The following CSF2RB variants were observed in gnomAD, a reference collection of about 807,000 sequenced individuals.
CSF2RB encodes the protein cytokine receptor common subunit beta.
In CSF2RB, 22 loss-of-function variants were observed where a neutral mutation model predicts 67.2. That is an observed-to-expected ratio of 0.33 (90% CI 0.23 to 0.47). CSF2RB has a LOEUF of 0.47. CSF2RB is among the 20% of genes least tolerant of loss of function. CSF2RB has a pLI of 1.00. For missense variants in CSF2RB, 1,113 were observed against 1,174.5 expected, an observed-to-expected ratio of 0.95 and a Z score of 0.76; for synonymous variants, 507 against 482.9, an observed-to-expected ratio of 1.05 and a Z score of -0.65.
chr22:36,936,157 A>G (rs1249369194), intron 12 of CSF2RB, among the ~76,000 whole-genome samples: 1 of 152,064 alleles, frequency 6.6e-6, no homozygotes, highest in Non-Finnish European at 1.5e-5. Flanking sequence ...GCTGGGGGCC[A>G]TGTTGGGAGG....
Position 36,938,028 on chromosome 22 carries a change from G to A in CSF2RB, c.2220G>A (p.Gln740=). 6.2e-7 allele frequency: 1 copy of A among 1,614,054 alleles called. No individual in the cohort carries two copies. The highest frequency in any genetic ancestry group is 8.5e-7 in the Non-Finnish European group (1 of 1,180,006). Residue 740 remains glutamine, a synonymous_variant, in exon 14 of 14, where the codon CAG becomes CAA. Transcript: ENST00000403662. ...LVPSLGLPSD[Q]TPSLCPGLAS... ...CCTCTCTGGGCCTCCCCTCAGACCAGACCCCCAGCTTATGTCCTGGGCTGG... is the reference window on the plus strand; with the variant it reads ...CCTCTCTGGGCCTCCCCTCAGACCAAACCCCCAGCTTATGTCCTGGGCTGG...
Position 36,935,611 on chromosome 22 carries a change from C to A in CSF2RB, c.1407-19C>A. Reference sequence around the variant, plus strand: ...GCCATGAGGTCTCTGATGGCTGTCACCTCCGTGGTGTCTTCCAGGCTGCGC... The same window carrying A: ...GCCATGAGGTCTCTGATGGCTGTCAACTCCGTGGTGTCTTCCAGGCTGCGC... On this transcript the variant is annotated intron_variant, in intron 11 of 13. Coordinates refer to ENST00000403662, the MANE Select transcript of CSF2RB (RefSeq NM_000395.3). The A allele has an allele frequency of 6.2e-7, 1 of 1,614,144 alleles. No homozygotes were observed. The highest frequency in any genetic ancestry group is 1.7e-5 in the Admixed American group (1 of 60,020).
At chr22:36,922,907 G>A (rs1217228555) in intron 2 of CSF2RB, among the ~76,000 whole-genome samples, 1 of 152,036 alleles carries the variant, frequency 6.6e-6, no homozygotes, top group Non-Finnish European at 1.5e-5. Context: ...CCCCTCCCAG[G>A]CTGCACAGTC....
chr22:36,928,405 G>A (rs765231613), intron 4 of CSF2RB, among the ~76,000 whole-genome samples: 6 of 152,290 alleles, frequency 3.9e-5, no homozygotes, highest in Middle Eastern at 3.4e-3. Flanking sequence ...CATGAGGGAC[G>A]CCTGTCCTGG....
At chr22:36,923,767 G>A (rs978991161) in intron 3 of CSF2RB, 1 of 1,295,350 alleles carries the variant, frequency 7.7e-7, no homozygotes, top group Non-Finnish European at 1.0e-6. Flanking sequence ...AGACCAAGGA[G>A]AGATGGCGCT....
At chr22:36,932,046 G>T (rs915416095) in intron 8 of CSF2RB, among the ~76,000 whole-genome samples, 1 of 152,204 alleles carries the variant, frequency 6.6e-6, no homozygotes, top group African/African-American at 2.4e-5. Context: ...CAGTTTCCCT[G>T]TTTGTGAAAA....
At position 36,933,822 on chromosome 22, in the gene CSF2RB, C is replaced by A. The variant is rs775671812; in HGVS notation, c.1153-10C>A. The A allele has an allele frequency of 6.2e-7, 1 of 1,604,074 alleles. No individual in the cohort carries two copies. On this transcript the variant is annotated splice_polypyrimidine_tract_variant and intron_variant, in intron 9 of 13. Transcript: ENST00000403662. The stretch of plus-strand genomic sequence containing the variant: ...CCGGGCCAGGCCTCACCCTCAGTGC[C>A]AACCCACAGGACAGCAAGACCGAGA...
intron 4 of CSF2RB, among the ~76,000 whole-genome samples, chr22:36,926,617 C>T (rs1286776628): frequency 1.3e-5 from 2 of 152,164 alleles, no homozygotes; most frequent in East Asian, 1.9e-4. Flanking sequence ...TCAGCCTTCC[C>T]GGGGGCTTCC....
Position 36,923,358 on chromosome 22 carries a change from G to A in CSF2RB, c.191G>A (p.Arg64Gln), listed in dbSNP as rs1473071183. Residue 64 changes from arginine (R) to glutamine (Q), a missense_variant, in exon 3 of 14, where the codon CGG (arginine) becomes CAG (glutamine). By Grantham distance (43) the Arg-to-Gln change is conservative. This residue lies in a region of CSF2RB where 559 missense variants were observed against 656.5 expected (regional missense o/e 0.85). Transcript: ENST00000403662. Reference protein sequence around the residue: ...QRLVNVTLIRRVNEDLLEPVS... With the variant: ...QRLVNVTLIRQVNEDLLEPVS... ...CTCGTCAACGTGACCCTCATTCGCC[G>A]GGTGAATGAGTGAGTGATGCTGGGG... 15 of 1,613,650 alleles carry A rather than the reference G, an allele frequency of 9.3e-6. No homozygotes were observed. The highest frequency in any genetic ancestry group is 1.3e-5 in the African/African-American group (1 of 74,880).
intron 3 of CSF2RB, chr22:36,923,881 G>C (rs1204594544): frequency 6.2e-6 from 6 of 972,238 alleles, no homozygotes; most frequent in African/African-American, 1.7e-5. Flanking sequence ...ACGTGTCTGG[G>C]AGGGGGCTCC....
intron 1 of CSF2RB, among the ~76,000 whole-genome samples, chr22:36,914,900 A>T (rs950504114): frequency 6.6e-6 from 1 of 152,206 alleles, no homozygotes; most frequent in Non-Finnish European, 1.5e-5. Flanking sequence ...ACAAGCAACT[A>T]CACAGAAACC....
intron 3 of CSF2RB, chr22:36,923,735 C>T: frequency 7.7e-7 from 1 of 1,305,068 alleles, no homozygotes; most frequent in Non-Finnish European, 1.0e-6. Flanking sequence ...CCCAGCTGTG[C>T]CACTGCCTGC....
chr22:36,913,980 T>C (rs1362283018), intron 1 of CSF2RB, among the ~76,000 whole-genome samples: 2 of 151,932 alleles, frequency 1.3e-5, no homozygotes, highest in Non-Finnish European at 2.9e-5. Context: ...GGACGCCTAG[T>C]GGGGTGAAGA....
At chr22:36,918,573 C>T (rs1036770481) in intron 1 of CSF2RB, among the ~76,000 whole-genome samples, 1 of 152,166 alleles carries the variant, frequency 6.6e-6, no homozygotes, top group Non-Finnish European at 1.5e-5. Flanking sequence ...AGCCTCCCCC[C>T]TTGAATACAG....
At chr22:36,933,010 C>A in intron 9 of CSF2RB, 106 bp downstream of exon 9, 1 of 1,393,082 alleles carries the variant, frequency 7.2e-7, no homozygotes, top group Non-Finnish European at 9.9e-7. Flanking sequence ...GGCAGGTGAC[C>A]AGTGAGAGGT....
intron 4 of CSF2RB, 23 bp from the exon 5 acceptor site, chr22:36,929,379 G>T: frequency 6.2e-7 from 1 of 1,614,118 alleles, no homozygotes; most frequent in East Asian, 2.2e-5. Flanking sequence ...GCCCTTAGGT[G>T]CCCTTCACTT....
chr22:36,932,454 A>AAAG (rs1491168969), intron 8 of CSF2RB, among the ~76,000 whole-genome samples: 5 of 147,368 alleles, frequency 3.4e-5, no homozygotes, highest in African/African-American at 1.2e-4. Flanking sequence ...AAAAAAAAAA[A>AAAG]TAGCCAGTTG....
chr22:36,935,600 G>T, intron 11 of CSF2RB, 30 bp from the exon 12 acceptor site: 6 of 1,614,004 alleles, frequency 3.7e-6, no homozygotes, highest in Non-Finnish European at 5.1e-6. Flanking sequence ...TGAGGTCTCT[G>T]ATGGCTGTCA....
chr22:36,922,251 T>C lies in CSF2RB; in HGVS notation c.44T>C (p.Leu15Pro). The change falls in exon 2 of 14, where the codon CTG becomes CCG. Residue 15 changes from leucine to proline, a missense_variant. Leu to Pro is a moderately conservative substitution (Grantham distance 98). Around this residue, in one of 2 missense-constraint regions of CSF2RB, gnomAD observed 559 missense variants for 656.5 expected, o/e 0.85. Transcript: ENST00000403662. The stretch of plus-strand genomic sequence containing the variant: ...CTGCTCTCCATGGCCCTGCTGGCCC[T>C]GTGCTGGGAGCGCAGCCTGGCAGGG... ...QGLLSMALLALCWERSLAGAE... is the reference protein window; with the variant it reads ...QGLLSMALLAPCWERSLAGAE... The C allele has an allele frequency of 6.3e-7, 1 of 1,587,348 alleles. No individual in the cohort carries two copies. Among genetic ancestry groups the C allele is most frequent in the Admixed American group, 1.8e-5 (1 of 56,632 alleles).
Sources: allele counts gnomAD v4.1 joint callset (sites outside exome capture counted in the v4.1 genomes callset), GRCh38; gene constraint gnomAD v4.1.1; regional missense constraint gnomAD v4.1.1; transcripts MANE v1.5; gene names NCBI Gene and HGNC (gene_info 2026-07-23, HGNC 2026-07-21).